Variants in MECOM observed in about 807,000 individuals in gnomAD.
MECOM encodes histone-lysine N-methyltransferase MECOM.
In MECOM, 13 loss-of-function variants were observed where a neutral mutation model predicts 116.3. The ratio of observed to expected loss-of-function variants is 0.11; its 90% CI spans 0.07 to 0.18. MECOM has a LOEUF of 0.18. MECOM is among the 10% of genes least tolerant of loss of function. MECOM has a pLI of 1.00. For missense variants in MECOM, 1,299 were observed against 1,509.0 expected (o/e 0.86, Z 2.31); for synonymous variants, 528 against 535.2 (o/e 0.99, Z 0.19).
chr3:169,485,508 T>A (rs1328414328), intron 1 of MECOM, among the ~76,000 whole-genome samples: 1 of 152,122 alleles, frequency 6.6e-6, no homozygotes, highest in East Asian at 1.9e-4. Flanking sequence ...AAAATATCTC[T>A]AGAAAGCTAA....
intron 1 of MECOM, among the ~76,000 whole-genome samples, chr3:169,458,657 C>T (rs1019827268): frequency 1.3e-5 from 2 of 152,316 alleles, no homozygotes; most frequent in Non-Finnish European, 1.5e-5. Context: ...CTCACTCACC[C>T]GCCATCCCAC....
At chr3:169,420,688 T>A (rs1311930513) in intron 1 of MECOM, among the ~76,000 whole-genome samples, 5 of 152,108 alleles carry the variant, frequency 3.3e-5, no homozygotes, top group African/African-American at 7.2e-5. Flanking sequence ...GCTTGACTCA[T>A]GACTCAATTT....
chr3:169,149,863 A>C lies in MECOM; in HGVS notation c.376-6031T>G, dbSNP rs531767345. On this transcript the variant is annotated intron_variant, in intron 2 of 16. Coordinates refer to ENST00000651503, the MANE Select transcript of MECOM (RefSeq NM_004991.4). Reference sequence around the variant, plus strand: ...CTGAATAAATTGTGAAAAAGACTAAAGGAAATCATCAGAAGGACCTGGGCA... The same window carrying C: ...CTGAATAAATTGTGAAAAAGACTAACGGAAATCATCAGAAGGACCTGGGCA... The C allele has an allele frequency of 7.6e-5, 25 of 327,242 alleles. 1 individual carries two copies. Among genetic ancestry groups the C allele is most frequent in the South Asian group, 6.4e-4 (25 of 39,244 alleles). 20.3% of individuals were successfully genotyped at this position (327,242 alleles called of 1,614,324 possible).
intron 2 of MECOM, among the ~76,000 whole-genome samples, chr3:169,206,747 C>T (rs536811187): frequency 1.5e-5 from 2 of 129,900 alleles, no homozygotes; most frequent in South Asian, 5.0e-4. Context: ...AATGAGACTT[C>T]CTCTTAAAAA....
chr3:169,551,702 T>G (rs1761424050), intron 1 of MECOM, among the ~76,000 whole-genome samples: 1 of 152,222 alleles, frequency 6.6e-6, no homozygotes, highest in Admixed American at 6.5e-5. Flanking sequence ...ATTTCACAGC[T>G]AGGTCCACAG....
intron 2 of MECOM, among the ~76,000 whole-genome samples, chr3:169,179,136 C>T (rs1745606549): frequency 6.6e-6 from 1 of 152,174 alleles, no homozygotes; most frequent in African/African-American, 2.4e-5. Flanking sequence ...TACAAAGTAT[C>T]TAAGGCTACT....
chr3:169,279,872 C>T (rs954249288), intron 2 of MECOM, among the ~76,000 whole-genome samples: 3 of 152,146 alleles, frequency 2.0e-5, no homozygotes, highest in Non-Finnish European at 4.4e-5. Context: ...TCTCTTGCTT[C>T]CCCAAAGGCA....
chr3:169,262,028 T>C (rs1460898958), intron 2 of MECOM, among the ~76,000 whole-genome samples: 1 of 152,220 alleles, frequency 6.6e-6, no homozygotes, highest in Non-Finnish European at 1.5e-5. Context: ...GCTCAAATGT[T>C]TATGGAACGT....
chr3:169,138,305 G>A (rs1021831411), intron 3 of MECOM, among the ~76,000 whole-genome samples: 1 of 152,092 alleles, frequency 6.6e-6, no homozygotes, highest in Admixed American at 6.6e-5. Flanking sequence ...AACTTATGCA[G>A]TTTGTGAATC....
At chr3:169,567,092 T>C (rs1763333784) in intron 1 of MECOM, among the ~76,000 whole-genome samples, 1 of 152,218 alleles carries the variant, frequency 6.6e-6, no homozygotes, top group Non-Finnish European at 1.5e-5. Flanking sequence ...GCCATTGGGA[T>C]GAATTACACA....
intron 1 of MECOM, among the ~76,000 whole-genome samples, chr3:169,418,831 C>T (rs549829179): frequency 3.9e-5 from 6 of 152,120 alleles, no homozygotes; most frequent in South Asian, 4.2e-4. Context: ...TTTTGAAAAC[C>T]GGCACAAGAC....
chr3:169,496,916 G>C (rs910920365), intron 1 of MECOM, among the ~76,000 whole-genome samples: 3 of 152,180 alleles, frequency 2.0e-5, no homozygotes, highest in Non-Finnish European at 4.4e-5. Flanking sequence ...CCATAAAATA[G>C]ATTATATTCA....
At chr3:169,378,503 AAGAAAGAAAGAAAAG>A (rs1438095980) in intron 2 of MECOM, among the ~76,000 whole-genome samples, 403 of 33,078 alleles carry the variant, frequency 0.012, 29 homozygotes, top group Middle Eastern at 0.015. Context: ...GAAAGAAAGA[AAGAAAGAAAGAAAAG>A]AAAGAAAGAA....
At chr3:169,554,134 T>C (rs1761746291) in intron 1 of MECOM, among the ~76,000 whole-genome samples, 1 of 152,190 alleles carries the variant, frequency 6.6e-6, no homozygotes, top group South Asian at 2.1e-4. Flanking sequence ...AGAAACCTCA[T>C]GGCCTTCCAT....
At chr3:169,614,564 T>C (rs1164500867) in intron 1 of MECOM, among the ~76,000 whole-genome samples, 1 of 152,212 alleles carries the variant, frequency 6.6e-6, no homozygotes, top group Non-Finnish European at 1.5e-5. Context: ...TTTTTAAACA[T>C]TTATGGCTGC....
intron 2 of MECOM, among the ~76,000 whole-genome samples, chr3:169,316,128 A>T (rs1218338765): frequency 1.3e-5 from 2 of 152,268 alleles, no homozygotes; most frequent in East Asian, 3.8e-4. Flanking sequence ...GACAGAAAAT[A>T]GAAAACCATT....
At chr3:169,378,575 AAAGAAAGAAAGTAAGT>A (rs1316000451) in intron 2 of MECOM, among the ~76,000 whole-genome samples, 5,895 of 112,376 alleles carry the variant, frequency 0.052, 722 homozygotes, top group Non-Finnish European at 0.069. Context: ...AGAAAGAAAG[AAAGAAAGAAAGTAAGT>A]AAGTAAGTTT....
chr3:169,446,453 A>C (rs1018847505), intron 1 of MECOM, among the ~76,000 whole-genome samples: 32 of 152,132 alleles, frequency 2.1e-4, no homozygotes, highest in Non-Finnish European at 7.4e-5. Flanking sequence ...CTGTAAGTCC[A>C]ATTAAACCTT....
chr3:169,613,222 C>T (rs920501197), intron 1 of MECOM, among the ~76,000 whole-genome samples: 3 of 152,118 alleles, frequency 2.0e-5, no homozygotes, highest in Non-Finnish European at 2.9e-5. Flanking sequence ...TCATTTATAT[C>T]GAAGACATGC....
Sources: allele counts gnomAD v4.1 joint callset (sites outside exome capture counted in the v4.1 genomes callset), GRCh38; gene constraint gnomAD v4.1.1; transcripts MANE v1.5; gene names NCBI Gene and HGNC (gene_info 2026-07-23, HGNC 2026-07-21).